The following IL1RAPL1 variants were observed in gnomAD, a reference collection of about 807,000 sequenced individuals.
IL1RAPL1 encodes the protein interleukin 1 receptor accessory protein like 1.
In IL1RAPL1, 3 loss-of-function variants were observed where a neutral mutation model predicts 48.4. The observed-to-expected ratio is 0.06, with a 90% CI of 0.03 to 0.16. The LOEUF is 0.16. IL1RAPL1 is among the 10% of genes least tolerant of loss of function. The pLI, the probability that IL1RAPL1 is intolerant of heterozygous loss-of-function variation, is 1.00. For missense variants in IL1RAPL1, 349 were observed against 530.6 expected (o/e 0.66, Z 3.36); for synonymous variants, 185 against 187.7 (o/e 0.99, Z 0.12).
intron 1 of IL1RAPL1, among the ~76,000 whole-genome samples, chrX:28,726,333 G>C (rs938085932): frequency 1.8e-5 from 2 of 112,195 alleles, no homozygotes; most frequent in Non-Finnish European, 3.8e-5. Flanking sequence ...TAATAATTTG[G>C]TTCTACTTAA....
intron 5 of IL1RAPL1, among the ~76,000 whole-genome samples, chrX:29,502,405 G>C (rs1935285056): frequency 9.0e-6 from 1 of 111,354 alleles, no homozygotes; most frequent in South Asian, 3.7e-4. Context: ...ACAGATCTTA[G>C]AGAAAATTTC....
intron 6 of IL1RAPL1, among the ~76,000 whole-genome samples, chrX:29,733,666 A>G (rs1004475278): frequency 7.1e-5 from 8 of 112,658 alleles, no homozygotes; most frequent in African/African-American, 2.6e-4. Flanking sequence ...GCATCACAAA[A>G]CACAATTATA....
chrX:29,603,901 C>T (rs547038897), intron 5 of IL1RAPL1, among the ~76,000 whole-genome samples: 46 of 111,821 alleles, frequency 4.1e-4, no homozygotes, highest in South Asian at 3.3e-3. Flanking sequence ...AAATCACTGA[C>T]GAAAAGGTGG....
intron 2 of IL1RAPL1, among the ~76,000 whole-genome samples, chrX:28,828,578 G>A (rs67958160): frequency 0.061 from 6,811 of 111,110 alleles, 399 homozygotes; most frequent in East Asian, 0.25. Context: ...AACATTAATC[G>A]TTTACTTGTG....
At chrX:28,696,586 A>G (rs1935234617) in intron 1 of IL1RAPL1, among the ~76,000 whole-genome samples, 1 of 111,771 alleles carries the variant, frequency 8.9e-6, no homozygotes, top group South Asian at 3.7e-4. Flanking sequence ...TATTCCAATT[A>G]ACCTGATTTG....
chrX:29,614,647 C>T (rs1924223153), intron 5 of IL1RAPL1, among the ~76,000 whole-genome samples: 1 of 111,807 alleles, frequency 8.9e-6, no homozygotes, highest in Non-Finnish European at 1.9e-5. Context: ...TAAAGCTTCT[C>T]CACACATCTA....
intron 6 of IL1RAPL1, among the ~76,000 whole-genome samples, chrX:29,755,884 A>T (rs191602031): frequency 8.9e-6 from 1 of 111,937 alleles, no homozygotes; most frequent in East Asian, 2.8e-4. Flanking sequence ...ATGAAATGCG[A>T]TGTGGATAAT....
intron 5 of IL1RAPL1, among the ~76,000 whole-genome samples, chrX:29,567,344 AAAAT>A (rs1437568507): frequency 8.9e-6 from 1 of 111,928 alleles, no homozygotes; most frequent in Admixed American, 9.5e-5. Context: ...TTAAGAAGAC[AAAAT>A]AAATAAATTT....
At chrX:29,506,636 A>G (rs1038814283) in intron 5 of IL1RAPL1, among the ~76,000 whole-genome samples, 9 of 110,798 alleles carry the variant, frequency 8.1e-5, no homozygotes, top group Non-Finnish European at 7.5e-5. Flanking sequence ...TGGGAAGGCT[A>G]TCTTGGGTTT....
At chrX:28,820,206 C>A (rs1601917416) in intron 2 of IL1RAPL1, among the ~76,000 whole-genome samples, 2 of 107,490 alleles carry the variant, frequency 1.9e-5, no homozygotes, top group Admixed American at 2.0e-4. Flanking sequence ...TTAGTTTGTT[C>A]AAATGGATAC....
intron 3 of IL1RAPL1, among the ~76,000 whole-genome samples, chrX:29,395,055 C>G (rs1212979400): frequency 8.9e-6 from 1 of 111,759 alleles, no homozygotes; most frequent in Non-Finnish European, 1.9e-5. Flanking sequence ...AGATGTTGTG[C>G]ATGTGTACAG....
chrX:28,967,042 A>G (rs1268415715), intron 2 of IL1RAPL1, among the ~76,000 whole-genome samples: 1 of 112,166 alleles, frequency 8.9e-6, no homozygotes, highest in Non-Finnish European at 1.9e-5. Flanking sequence ...GTGATATAAC[A>G]CAATGACCAA....
chrX:29,124,419 A>G (rs1255012375), intron 2 of IL1RAPL1, among the ~76,000 whole-genome samples: 2 of 112,351 alleles, frequency 1.8e-5, no homozygotes, highest in African/African-American at 6.5e-5. Flanking sequence ...AAGTGAATTG[A>G]TTGAAAAGAT....
chrX:29,315,999 G>T (rs1047667913), intron 3 of IL1RAPL1, among the ~76,000 whole-genome samples: 5 of 111,867 alleles, frequency 4.5e-5, no homozygotes, highest in African/African-American at 1.6e-4. Flanking sequence ...TGTAGATAAA[G>T]AACTAATTTG....
chrX:28,816,515 G>A (rs1381547698), intron 2 of IL1RAPL1, among the ~76,000 whole-genome samples: 1 of 110,780 alleles, frequency 9.0e-6, no homozygotes, highest in Admixed American at 9.6e-5. Flanking sequence ...TTCTGTTCCT[G>A]TGTTATTTTG....
intron 5 of IL1RAPL1, among the ~76,000 whole-genome samples, chrX:29,646,508 A>T (rs61248202): frequency 0.13 from 14,244 of 111,072 alleles, 947 homozygotes; most frequent in African/African-American, 0.24. Flanking sequence ...AGAGGAAACA[A>T]AGGAATATAA....
intron 6 of IL1RAPL1, among the ~76,000 whole-genome samples, chrX:29,885,119 A>G (rs764295716): frequency 4.8e-4 from 53 of 111,481 alleles, no homozygotes; most frequent in African/African-American, 1.6e-3. Flanking sequence ...TGTTCTTCTG[A>G]CATGCCAAGC....
chrX:29,135,676 A>G (rs756341071), intron 2 of IL1RAPL1, among the ~76,000 whole-genome samples: 1 of 111,981 alleles, frequency 8.9e-6, no homozygotes, highest in Non-Finnish European at 1.9e-5. Context: ...CAGCAAATTG[A>G]GAAACACATT....
intron 6 of IL1RAPL1, among the ~76,000 whole-genome samples, chrX:29,835,068 T>C (rs1302221150): frequency 8.9e-6 from 1 of 112,218 alleles, no homozygotes; most frequent in African/African-American, 3.2e-5. Context: ...ATCCAGATGC[T>C]GTGTCTATTA....
Sources: gnomAD v4.1 joint callset for allele counts (sites outside exome capture counted in the v4.1 genomes callset) on GRCh38, gnomAD v4.1.1 for gene constraint, MANE v1.5 for transcripts, NCBI Gene and HGNC (gene_info 2026-07-23, HGNC 2026-07-21) for gene names.